CCDC7: variants seen among roughly 807,000 people sequenced by gnomAD.
The protein encoded by CCDC7 is coiled-coil domain-containing protein 7.
A neutral mutation model predicts 196.9 loss-of-function variants in CCDC7; 183 were observed. The ratio of observed to expected loss-of-function variants is 0.93; its 90% confidence interval spans 0.82 to 1.05. The LOEUF (loss-of-function observed/expected upper bound fraction) is 1.05. Among genes scored for constraint, CCDC7 ranks in the 50% least tolerant of loss-of-function variants. CCDC7 has a pLI of 0.00. For missense variants in CCDC7, 1,540 were observed against 1,482.2 expected, an observed-to-expected ratio of 1.04 and a Z score of -0.64; for synonymous variants, 525 against 484.6, an observed-to-expected ratio of 1.08 and a Z score of -1.10.
chr10:32,635,280 T>C (rs2065448930), intron 20 of CCDC7, 122 bp downstream of exon 21: 1 of 378,520 alleles, frequency 2.6e-6, no homozygotes, highest in Non-Finnish European at 4.7e-6. Context: ...TCTAGATCTA[T>C]ACTGGTGTCT....
At position 32,446,290 on chromosome 10, in the gene CCDC7, G is replaced by A. The variant is rs182646845; in HGVS notation, c.-159G>A. The A allele has an allele frequency of 7.2e-3, 1,094 of 152,414 alleles. 15 individuals are homozygous for A. The highest frequency in any genetic ancestry group is 0.022 in the Admixed American group (339 of 15,300). The allele number at this position is 152,414 out of a possible 1,614,324, so 9.4% of individuals were successfully genotyped here. On this transcript the variant is annotated 5_prime_UTR_variant, in exon 1 of 18. Transcript: ENST00000277657. ...GAGTTTTCAGGCTTCCGTCTCGAAGGAAGTCTGGCAGGCTCGGAATTGTCA... is the reference window on the plus strand; with the variant it reads ...GAGTTTTCAGGCTTCCGTCTCGAAGAAAGTCTGGCAGGCTCGGAATTGTCA...
intron 9 of CCDC7, among the ~76,000 whole-genome samples, chr10:32,516,480 G>A (rs558068117): frequency 8.5e-4 from 130 of 152,146 alleles, no homozygotes; most frequent in Non-Finnish European, 1.1e-3. Flanking sequence ...TAGAGATGGG[G>A]TTTCACCATG....
chr10:32,827,557 A>T (rs938334594), intron 32 of CCDC7, among the ~76,000 whole-genome samples: 2 of 146,320 alleles, frequency 1.4e-5, no homozygotes, highest in South Asian at 2.3e-4. Context: ...GAAGTGCGGC[A>T]GTAGCGTGTT....
intron 21 of CCDC7, among the ~76,000 whole-genome samples, chr10:32,684,140 C>T (rs1251247504): frequency 1.3e-5 from 2 of 152,140 alleles, no homozygotes; most frequent in Non-Finnish European, 2.9e-5. Flanking sequence ...GGCCGATTGG[C>T]TTTGCTTGGC....
chr10:32,633,624 G>T (rs956849738), intron 18 of CCDC7, among the ~76,000 whole-genome samples: 2 of 149,708 alleles, frequency 1.3e-5, no homozygotes, highest in Admixed American at 6.7e-5. Context: ...TCCTCAGTAG[G>T]TTCACTTATT....
intron 28 of CCDC7, among the ~76,000 whole-genome samples, chr10:32,756,142 G>A (rs1453024478): frequency 6.6e-6 from 1 of 152,250 alleles, no homozygotes; most frequent in Non-Finnish European, 1.5e-5. Context: ...TGTTGTACCT[G>A]AAAGTGACAG....
intron 13 of CCDC7, among the ~76,000 whole-genome samples, chr10:32,548,256 C>G (rs917346695): frequency 5.9e-5 from 9 of 152,106 alleles, no homozygotes; most frequent in African/African-American, 2.2e-4. Flanking sequence ...ACAGTCTAAG[C>G]TAATTCCGAT....
chr10:32,541,049 G>GTT (rs111604303), intron 11 of CCDC7, among the ~76,000 whole-genome samples: 6,365 of 147,456 alleles, frequency 0.043, 140 homozygotes, highest in Non-Finnish European at 0.058. Context: ...AAATTTCTGA[G>GTT]TTTTTTTTTT....
At chr10:32,605,059 G>A (rs1459874296) in intron 18 of CCDC7, among the ~76,000 whole-genome samples, 1 of 152,020 alleles carries the variant, frequency 6.6e-6, no homozygotes, top group African/African-American at 2.4e-5. Context: ...TCATGGCTTG[G>A]TGCTATCCTC....
At chr10:32,474,601 C>T (rs189633120) in intron 8 of CCDC7, among the ~76,000 whole-genome samples, 56 of 152,106 alleles carry the variant, frequency 3.7e-4, no homozygotes, top group African/African-American at 1.3e-3. Context: ...GTGATTAGAA[C>T]GTACTACTGA....
At chr10:32,490,843 T>C (rs1192458373) in intron 8 of CCDC7, among the ~76,000 whole-genome samples, 1 of 152,188 alleles carries the variant, frequency 6.6e-6, no homozygotes, top group Non-Finnish European at 1.5e-5. Context: ...ACTGTAACTT[T>C]TTATGTAAAC....
intron 41 of CCDC7, among the ~76,000 whole-genome samples, chr10:32,873,725 T>C: frequency 6.6e-6 from 1 of 152,000 alleles, no homozygotes; most frequent in Non-Finnish European, 1.5e-5. Flanking sequence ...TATATTTTCA[T>C]TTATCTTGGA....
chr10:32,469,660 C>T (rs1367378463), intron 5 of CCDC7, among the ~76,000 whole-genome samples: 1 of 152,184 alleles, frequency 6.6e-6, no homozygotes, highest in Non-Finnish European at 1.5e-5. Flanking sequence ...CTACGAAGTT[C>T]TGGGGGAAGC....
chr10:32,739,640 T>C (rs1375684739), intron 28 of CCDC7, among the ~76,000 whole-genome samples: 1 of 151,700 alleles, frequency 6.6e-6, no homozygotes, highest in Non-Finnish European at 1.5e-5. Flanking sequence ...GCTTAAACTG[T>C]CTCTTCAGAC....
intron 11 of CCDC7, among the ~76,000 whole-genome samples, chr10:32,529,405 C>T (rs1306814032): frequency 6.6e-6 from 1 of 152,104 alleles, no homozygotes; most frequent in African/African-American, 2.4e-5. Flanking sequence ...TAAAAGTGTA[C>T]CCTTTTTACT....
intron 11 of CCDC7, among the ~76,000 whole-genome samples, chr10:32,539,696 T>C (rs375077899): frequency 3.9e-4 from 60 of 152,130 alleles, no homozygotes; most frequent in African/African-American, 1.4e-3. Flanking sequence ...TGTACTAGAT[T>C]TTCTGATATG....
intron 41 of CCDC7, among the ~76,000 whole-genome samples, chr10:32,856,928 G>A (rs940028811): frequency 6.6e-6 from 1 of 151,974 alleles, no homozygotes; most frequent in Non-Finnish European, 1.5e-5. Context: ...AATAAACCTG[G>A]ACCTACACCA....
chr10:32,695,421 C>A (rs2077583176), intron 24 of CCDC7, among the ~76,000 whole-genome samples: 1 of 152,196 alleles, frequency 6.6e-6, no homozygotes, highest in Non-Finnish European at 1.5e-5. Flanking sequence ...GAAAAACAAC[C>A]TATGTGGTCA....
At chr10:32,733,284 CAT>C (rs2084293226) in intron 28 of CCDC7, among the ~76,000 whole-genome samples, 1 of 152,142 alleles carries the variant, frequency 6.6e-6, no homozygotes, top group Non-Finnish European at 1.5e-5. Context: ...TATTTCAAAA[CAT>C]GAGAGAAAAT....
Sources: gnomAD v4.1 joint callset for allele counts (sites outside exome capture counted in the v4.1 genomes callset) on GRCh38, gnomAD v4.1.1 for gene constraint, MANE v1.5 for transcripts, NCBI Gene and HGNC (gene_info 2026-07-23, HGNC 2026-07-21) for gene names.